Variants in ZCCHC14 observed in about 807,000 individuals in gnomAD.
The protein encoded by ZCCHC14 is zinc finger CCHC domain-containing protein 14.
A neutral mutation model predicts 85.0 loss-of-function variants in ZCCHC14; 16 were observed. That is an observed-to-expected ratio of 0.19 (90% CI 0.13 to 0.29). The LOEUF is 0.29. Among genes scored for constraint, ZCCHC14 ranks in the 10% least tolerant of loss-of-function variants. ZCCHC14 has a pLI of 1.00. For missense variants in ZCCHC14, 1,303 were observed against 1,443.5 expected, an observed-to-expected ratio of 0.90 and a Z score of 1.58; for synonymous variants, 775 against 630.7, an observed-to-expected ratio of 1.23 and a Z score of -3.43.
chr16:87,443,758 C>T (rs1048975223), intron 2 of ZCCHC14, among the ~76,000 whole-genome samples: 1 of 150,826 alleles, frequency 6.6e-6, no homozygotes, highest in Admixed American at 6.6e-5. Flanking sequence ...CCAAAAAAGC[C>T]AGGAGCTGCA....
chr16:87,412,780 C>T lies in ZCCHC14; in HGVS notation c.1941G>A (p.Leu647=), dbSNP rs1455996629. 6.2e-7 allele frequency: 1 copy of T among 1,613,814 alleles called. No individual in the cohort carries two copies. The highest frequency in any genetic ancestry group is 1.7e-5 in the Admixed American group (1 of 59,986). Residue 647 remains leucine (L), a synonymous_variant, in exon 12 of 13, where the codon CTG becomes CTA. Transcript: ENST00000671377. ...CTCTTTCCGGCTTGTGCACGGAATT[C>T]AGCATGCGGATGGGTGTGATGTGTG... ...AASHITPIRM[L]NSVHKPERGS... is the part of the protein sequence containing the mutation.
At chr16:87,449,476 G>T (rs542166148) in intron 2 of ZCCHC14, among the ~76,000 whole-genome samples, 1 of 151,994 alleles carries the variant, frequency 6.6e-6, no homozygotes, top group Admixed American at 6.6e-5. Flanking sequence ...AATCACACAG[G>T]TGCAGAGGCG....
chr16:87,444,963 G>C (rs556538998), intron 2 of ZCCHC14, among the ~76,000 whole-genome samples: 7 of 152,270 alleles, frequency 4.6e-5, no homozygotes, highest in Admixed American at 4.6e-4. Context: ...ACGATTTGGG[G>C]ATGTTGGGGG....
chr16:87,468,820 C>T (rs1911650981), intron 1 of ZCCHC14, among the ~76,000 whole-genome samples: 1 of 152,184 alleles, frequency 6.6e-6, no homozygotes, highest in African/African-American at 2.4e-5. Flanking sequence ...AGCTCCAGAG[C>T]AAGGAAGTAC....
chr16:87,411,953 A>G lies in ZCCHC14; in HGVS notation c.2768T>C (p.Ile923Thr), dbSNP rs1288884497. The G allele has an allele frequency of 1.9e-6, 3 of 1,605,654 alleles. No homozygotes were observed. Among genetic ancestry groups the G allele is most frequent in the South Asian group, 2.2e-5 (2 of 90,362 alleles). ...PQPAPPPPGCIVCTSCGCSGS... is the reference protein window; with the variant it reads ...PQPAPPPPGCTVCTSCGCSGS... ...GCTGCAGCCACAGGACGTGCACACA[A>G]TGCAGCCTGGCGGGGGTGGGGCGGG... is the stretch of plus-strand genomic sequence containing the variant. Residue 923 changes from isoleucine to threonine, a missense_variant, in exon 12 of 13, where the codon ATT becomes ACT. Around this residue, in one of 7 missense-constraint regions of ZCCHC14, gnomAD observed 797 missense variants for 730.8 expected, o/e 1.09. Transcript: ENST00000671377.
At chr16:87,459,838 T>G (rs952676696) in intron 2 of ZCCHC14, among the ~76,000 whole-genome samples, 170 bp downstream of exon 2, 2 of 152,106 alleles carry the variant, frequency 1.3e-5, no homozygotes, top group African/African-American at 4.8e-5. Context: ...ATAATTGAGA[T>G]TTTTACAGCC....
At position 87,467,649 on chromosome 16, in the gene ZCCHC14, C is replaced by A; in HGVS notation, c.571-7518G>T. On this transcript the variant is annotated intron_variant, in intron 1 of 12. Coordinates refer to ENST00000671377, the MANE Select transcript of ZCCHC14 (RefSeq NM_015144.3). ...CTTGGGGACTCTGAATTTCCCTGGTCGAACGGTTTCTTTTTCTTTTGAGAT... is the reference window on the plus strand; with the variant it reads ...CTTGGGGACTCTGAATTTCCCTGGTAGAACGGTTTCTTTTTCTTTTGAGAT... 3.2e-6 allele frequency: 3 copies of A among 946,740 alleles called. No homozygotes were observed. The South Asian group carries it at 3.9e-5, about 12-fold the overall frequency. 58.6% of individuals were successfully genotyped at this position (946,740 alleles called of 1,614,324 possible).
At position 87,492,814 on chromosome 16, in the gene ZCCHC14, A is replaced by AG. The variant is rs1026767363; in HGVS notation, c.-577dup. On this transcript the variant is annotated 5_prime_UTR_variant, in exon 1 of 13. Transcript: ENST00000671377. This position sits in a 1 kb window ranked among gnomAD's most constrained non-coding sequence, Gnocchi z 6.7. ...GCCGCGGCCGCGAAACGGACGCTGG[A>AG]GGGGGAGGGACGCGCGGCGGGAGGC... is the stretch of plus-strand genomic sequence containing the variant. 6.2e-5 allele frequency among the ~76,000 whole-genome samples: 9 copies of AG among 144,800 alleles called. No individual in the cohort carries two copies. Among genetic ancestry groups the AG allele is most frequent in the African/African-American group, 2.0e-4 (8 of 39,918 alleles). The allele number at this position is 144,800 out of a possible 152,430, so 95.0% of individuals were successfully genotyped here.
intron 2 of ZCCHC14, among the ~76,000 whole-genome samples, chr16:87,453,389 G>A (rs1017476386): frequency 1.3e-4 from 20 of 152,242 alleles, no homozygotes; most frequent in African/African-American, 4.8e-4. Context: ...GAGGAAGGCC[G>A]CAGAACATGG....
At chr16:87,447,720 C>T (rs1910510247) in intron 2 of ZCCHC14, among the ~76,000 whole-genome samples, 1 of 152,162 alleles carries the variant, frequency 6.6e-6, no homozygotes, top group African/African-American at 2.4e-5. Context: ...GGATAAATTC[C>T]CTAGGACGAG....
At chr16:87,415,238 GA>G in intron 9 of ZCCHC14, 37 bp downstream of exon 9, 1 of 1,597,036 alleles carries the variant, frequency 6.3e-7, no homozygotes, top group Non-Finnish European at 8.6e-7. Flanking sequence ...ACGAGAAATG[GA>G]AATAAACACA....
chr16:87,467,129 C>T, intron 1 of ZCCHC14: 1 of 908,234 alleles, frequency 1.1e-6, no homozygotes, highest in South Asian at 1.5e-5. Context: ...AAAAGTGGTC[C>T]TCCACCAGAT....
chr16:87,423,412 A>T (rs1359064166), intron 4 of ZCCHC14, among the ~76,000 whole-genome samples: 1 of 152,192 alleles, frequency 6.6e-6, no homozygotes, highest in Non-Finnish European at 1.5e-5. Context: ...TAAATAAATA[A>T]ATAAAAACAG....
chr16:87,459,427 C>T (rs1911144894), intron 2 of ZCCHC14, among the ~76,000 whole-genome samples: 1 of 151,938 alleles, frequency 6.6e-6, no homozygotes, highest in African/African-American at 2.4e-5. Context: ...TCACTGCAAC[C>T]TCCACCTCCT....
At chr16:87,428,886 C>A (rs1205155521) in intron 3 of ZCCHC14, among the ~76,000 whole-genome samples, 1 of 95,936 alleles carries the variant, frequency 1.0e-5, no homozygotes, top group Non-Finnish European at 2.2e-5. Context: ...TGAGACCCCT[C>A]AGCATTACTG....
intron 2 of ZCCHC14, among the ~76,000 whole-genome samples, chr16:87,450,396 C>T (rs1887291583): frequency 6.6e-6 from 1 of 152,180 alleles, no homozygotes; most frequent in African/African-American, 2.4e-5. Flanking sequence ...GCTGCTCCTT[C>T]TTCCCTACAT....
intron 2 of ZCCHC14, among the ~76,000 whole-genome samples, chr16:87,456,776 T>C (rs2050235225): frequency 6.6e-6 from 1 of 152,194 alleles, no homozygotes; most frequent in Non-Finnish European, 1.5e-5. Flanking sequence ...CCTATAGATG[T>C]GACCCACATA....
Position 87,411,944 on chromosome 16 carries a change from G to A in ZCCHC14, c.2777C>T (p.Thr926Met), listed in dbSNP as rs756196963. 49 of 1,606,674 alleles carry A rather than the reference G, an allele frequency of 3.0e-5. No individual in the cohort carries two copies. The highest frequency in any genetic ancestry group is 5.5e-5 in the South Asian group (5 of 90,450). Residue 926 changes from threonine (T) to methionine (M), a missense_variant, in exon 12 of 13, where the codon ACG becomes ATG. By Grantham distance (81) the Thr-to-Met change is moderately conservative. Transcript: ENST00000671377. ...GCAGCTGCCGCTGCAGCCACAGGAC[G>A]TGCACACAATGCAGCCTGGCGGGGG... ...APPPPGCIVC[T>M]SCGCSGSCGS...
chr16:87,413,300 A>T, intron 10 of ZCCHC14, 105 bp from the exon 11 acceptor site: 1 of 1,414,070 alleles, frequency 7.1e-7, no homozygotes, highest in South Asian at 1.5e-5. Flanking sequence ...TTCCAGGGAA[A>T]CGCAGGGCTC....
Sources: gnomAD v4.1 joint callset for allele counts (sites outside exome capture counted in the v4.1 genomes callset) on GRCh38, gnomAD v4.1.1 for gene constraint, gnomAD v4.1.1 regional missense constraint, Gnocchi (gnomAD v3.1) non-coding constraint, MANE v1.5 for transcripts, NCBI Gene and HGNC (gene_info 2026-07-23, HGNC 2026-07-21) for gene names.